OTUD7A: variants seen among roughly 807,000 people sequenced by gnomAD.
OTUD7A encodes OTU deubiquitinase 7A.
OTUD7A carries 12 observed loss-of-function variants against 65.7 expected under a neutral mutation model. That is an observed-to-expected ratio of 0.18 (90% confidence interval 0.12 to 0.30). The LOEUF is 0.30. OTUD7A is among the 10% of genes least tolerant of loss of function. The pLI is 1.00. For missense variants in OTUD7A, 1,148 were observed against 1,304.8 expected, an observed-to-expected ratio of 0.88 and a Z score of 1.85; for synonymous variants, 641 against 586.3, an observed-to-expected ratio of 1.09 and a Z score of -1.35.
At chr15:31,728,576 T>C (rs115134462) in intron 1 of OTUD7A, among the ~76,000 whole-genome samples, 3,487 of 152,340 alleles carry the variant, frequency 0.023, 163 homozygotes, top group African/African-American at 0.079. Flanking sequence ...TCCTCCTGCT[T>C]TGTGAGCTTT....
In OTUD7A at chr15:31,655,025, T is replaced by G. The variant is rs553932383; in HGVS notation, c.151+71A>C. The stretch of plus-strand genomic sequence containing the variant: ...GCTCAAGTACCACTGTCATCAGGTA[T>G]TGGAAATCTTCTTATTTGGAAGGTG... On this transcript the variant is annotated intron_variant, in intron 3 of 12. Transcript: ENST00000307050. The G allele has an allele frequency of 1.9e-6, 3 of 1,542,422 alleles. No homozygotes were observed. The East Asian group carries it at 7.0e-5, about 36-fold the overall frequency.
At chr15:31,828,308 TTC>T (rs1896848478) in intron 1 of OTUD7A, among the ~76,000 whole-genome samples, 1 of 152,216 alleles carries the variant, frequency 6.6e-6, no homozygotes, top group Non-Finnish European at 1.5e-5. Flanking sequence ...TGTTAGTATT[TTC>T]TTTTTTAATT....
intron 1 of OTUD7A, among the ~76,000 whole-genome samples, chr15:31,826,750 G>A (rs895981893): frequency 3.9e-5 from 6 of 152,116 alleles, no homozygotes; most frequent in Admixed American, 2.0e-4. Flanking sequence ...CTAATTCACC[G>A]CTTGAATGCT....
chr15:31,570,047 C>T lies in OTUD7A; in HGVS notation c.302G>A (p.Cys101Tyr). 6.2e-7 allele frequency: 1 copy of T among 1,614,180 alleles called. No homozygotes were observed. Among genetic ancestry groups the T allele is most frequent in the Non-Finnish European group, 8.5e-7 (1 of 1,180,048 alleles). ...PQPGHKVERP[C>Y]LQRQDDIAQE... is the part of the protein sequence containing the mutation. ...GGCAATGTCGTCCTGCCTCTGCAGG[C>T]AGGGTCGCTCCACCTTGTGCCCGGG... Residue 101 changes from cysteine to tyrosine, a missense_variant, in exon 4 of 13, where the codon TGC becomes TAC. Transcript: ENST00000307050.
intron 8 of OTUD7A, among the ~76,000 whole-genome samples, chr15:31,515,244 C>T (rs899722550): frequency 2.6e-5 from 4 of 152,094 alleles, no homozygotes; most frequent in Admixed American, 2.0e-4. Flanking sequence ...TACTGAGAAG[C>T]GGGCAGAGCA....
chr15:31,862,626 T>C (rs184083955), intron 1 of OTUD7A, among the ~76,000 whole-genome samples: 20 of 151,928 alleles, frequency 1.3e-4, no homozygotes, highest in African/African-American at 4.1e-4. Flanking sequence ...ATCACGAGAA[T>C]AGAACAGGAA....
In OTUD7A at chr15:31,526,380, G is replaced by A; in HGVS notation, c.862C>T (p.His288Tyr). ...LKLASSEPRT[H>Y]FSKNGGTGGG... ...CCCGTGCCGCCATTCTTGCTGAAGT[G>A]TGTGCGCGGCTCGCTGGAGGCCAGC... The change falls in exon 8 of 13, where the codon CAC (histidine) becomes TAC (tyrosine). Residue 288 changes from histidine (H) to tyrosine (Y), a missense_variant. By Grantham distance (83) the His-to-Tyr change is moderately conservative. Transcript: ENST00000307050. 6.2e-7 allele frequency: 1 copy of A among 1,601,320 alleles called. No homozygotes were observed. The highest frequency in any genetic ancestry group is 8.5e-7 in the Non-Finnish European group (1 of 1,178,480).
chr15:31,571,638 T>C (rs1398910308), intron 3 of OTUD7A, among the ~76,000 whole-genome samples: 1 of 152,248 alleles, frequency 6.6e-6, no homozygotes, highest in East Asian at 1.9e-4. Context: ...ATAGTGTTTG[T>C]AAAGTTCTTC....
At chr15:31,840,619 TC>T (rs1252658055) in intron 1 of OTUD7A, among the ~76,000 whole-genome samples, 2 of 152,124 alleles carry the variant, frequency 1.3e-5, no homozygotes, top group Non-Finnish European at 2.9e-5. Context: ...GGTCTTTTTT[TC>T]CCCCTTTAAT....
chr15:31,865,888 T>C (rs1378475402), intron 1 of OTUD7A, among the ~76,000 whole-genome samples: 1 of 152,250 alleles, frequency 6.6e-6, no homozygotes, highest in African/African-American at 2.4e-5. Context: ...TAATTTTATA[T>C]TTCATAAAAG....
chr15:31,724,487 T>G (rs574578922), intron 1 of OTUD7A, among the ~76,000 whole-genome samples: 1 of 152,348 alleles, frequency 6.6e-6, no homozygotes, highest in African/African-American at 2.4e-5. Flanking sequence ...GATCTGTGCT[T>G]CATCAATGAT....
intron 1 of OTUD7A, among the ~76,000 whole-genome samples, chr15:31,804,096 C>T (rs1182097351): frequency 1.3e-5 from 2 of 152,224 alleles, no homozygotes; most frequent in Non-Finnish European, 1.5e-5. Flanking sequence ...AATCATTACA[C>T]AGTCCTCAGC....
At chr15:31,842,253 G>C (rs930209264) in intron 1 of OTUD7A, among the ~76,000 whole-genome samples, 1 of 152,218 alleles carries the variant, frequency 6.6e-6, no homozygotes, top group East Asian at 1.9e-4. Flanking sequence ...CTGCAGTGTG[G>C]GTGTGTTCTG....
At chr15:31,636,250 T>C (rs1318655355) in intron 3 of OTUD7A, among the ~76,000 whole-genome samples, 3 of 152,218 alleles carry the variant, frequency 2.0e-5, no homozygotes, top group African/African-American at 7.2e-5. Flanking sequence ...TGCATCTCTG[T>C]GTCACATTTT....
intron 8 of OTUD7A, among the ~76,000 whole-genome samples, chr15:31,505,654 G>A (rs1180768310): frequency 6.6e-6 from 1 of 152,058 alleles, no homozygotes; most frequent in Non-Finnish European, 1.5e-5. Context: ...AAGAGTGGTA[G>A]AGATAAGTTT....
At chr15:31,676,327 T>G (rs1049169211) in intron 1 of OTUD7A, among the ~76,000 whole-genome samples, 4 of 152,012 alleles carry the variant, frequency 2.6e-5, no homozygotes, top group African/African-American at 9.7e-5. Context: ...CTCAGCCCCA[T>G]GTAGTAAATC....
rs550189403 is a variant in OTUD7A, at chr15:31,818,927, G to C, written c.-100+51580C>G. On this transcript the variant is annotated intron_variant, in intron 1 of 12. Transcript: ENST00000307050. ...ATCTTTCAGGGCAGGTCCTCTACTT[G>C]ATGAGAATAAGTGGAGGACAAAAGG... Among the ~76,000 whole-genome samples the C allele has an allele frequency of 4.5e-4, 68 of 152,176 alleles. 1 individual carries two copies. The highest frequency in any genetic ancestry group is 9.2e-4 in the Admixed American group (14 of 15,280).
intron 5 of OTUD7A, among the ~76,000 whole-genome samples, chr15:31,555,712 G>C (rs552279673): frequency 2.6e-5 from 4 of 152,304 alleles, no homozygotes; most frequent in African/African-American, 7.2e-5. Context: ...GACCTCGCTT[G>C]AGAGCAGAGG....
rs372693518 is a variant in OTUD7A at position 31,517,882 on chromosome 15, C to T, written c.893+8467G>A. Among the ~76,000 whole-genome samples, 9 of 152,202 alleles carry T rather than the reference C, an allele frequency of 5.9e-5. No homozygotes were observed. The East Asian group carries it at 1.7e-3, about 29-fold the overall frequency. On this transcript the variant is annotated intron_variant, in intron 8 of 12. Transcript: ENST00000307050. ...CACCATCCTTGGAGACCATCCTCGG[C>T]AAGAGCGCGTGTCATAGATAAGGAA...
Sources: allele counts gnomAD v4.1 joint callset (sites outside exome capture counted in the v4.1 genomes callset), GRCh38; gene constraint gnomAD v4.1.1; transcripts MANE v1.5; gene names NCBI Gene and HGNC (gene_info 2026-07-23, HGNC 2026-07-21).